STIM1: variants seen among roughly 807,000 people sequenced by gnomAD.
The protein encoded by STIM1 is stromal interaction molecule 1.
In STIM1, 25 loss-of-function variants were observed where a neutral mutation model predicts 74.7. That is an observed-to-expected ratio of 0.33 (90% CI 0.24 to 0.47). The LOEUF (loss-of-function observed/expected upper bound fraction) is 0.47. Ranked by LOEUF, STIM1 falls within the 20% of genes least tolerant of loss-of-function variation. STIM1 has a pLI of 1.00. For synonymous variants in STIM1, 328 were observed against 348.8 expected, an observed-to-expected ratio of 0.94 and a Z score of 0.66; for missense variants, 728 against 920.8, an observed-to-expected ratio of 0.79 and a Z score of 2.71.
At chr11:3,912,748 C>G (rs2092585549) in intron 1 of STIM1, among the ~76,000 whole-genome samples, 1 of 152,190 alleles carries the variant, frequency 6.6e-6, no homozygotes, top group Non-Finnish European at 1.5e-5. Flanking sequence ...CCAATGTGGG[C>G]TCTCTCATTC....
At chr11:4,067,746 T>C (rs558600573) in intron 5 of STIM1, among the ~76,000 whole-genome samples, 4 of 152,322 alleles carry the variant, frequency 2.6e-5, no homozygotes, top group East Asian at 1.9e-4. Context: ...ATGCCTGATA[T>C]GTTTTATATT....
At chr11:3,991,712 G>A (rs1017007416) in intron 2 of STIM1, among the ~76,000 whole-genome samples, 67 of 151,386 alleles carry the variant, frequency 4.4e-4, no homozygotes, top group Non-Finnish European at 6.3e-4. Context: ...ACTTTGGGAG[G>A]CTGAGGCGGG....
intron 2 of STIM1, among the ~76,000 whole-genome samples, chr11:3,993,271 T>G (rs2093632289): frequency 6.6e-6 from 1 of 152,226 alleles, no homozygotes; most frequent in Non-Finnish European, 1.5e-5. Context: ...CTCTTTTATA[T>G]TCCTGCTTTA....
At chr11:4,089,068 C>CA (rs1347149421) in intron 12 of STIM1, 1,991 of 250,430 alleles carry the variant, frequency 8.0e-3, no homozygotes, top group Middle Eastern at 0.017. Context: ...CCTGTCTCTA[C>CA]AAAAAAAAAA....
chr11:4,003,089 A>G (rs1321833176), intron 2 of STIM1, among the ~76,000 whole-genome samples: 54 of 148,010 alleles, frequency 3.6e-4, no homozygotes, highest in African/African-American at 1.3e-3. Flanking sequence ...AATTGTGGCA[A>G]TAATCAATAG....
At chr11:3,988,571 G>A (rs2093579314) in intron 2 of STIM1, among the ~76,000 whole-genome samples, 1 of 151,956 alleles carries the variant, frequency 6.6e-6, no homozygotes, top group South Asian at 2.1e-4. Flanking sequence ...TGTTACATAT[G>A]TCCCACCAAT....
chr11:4,091,685 G>A lies in STIM1; in HGVS notation c.2038G>A (p.Gly680Ser). The change falls in exon 13 of 13, where the codon GGC becomes AGC. Residue 680 changes from glycine to serine, a missense_variant. Gly to Ser is a moderately conservative substitution (Grantham distance 56). This residue lies in a region of STIM1 where 352 missense variants were observed against 370.1 expected (regional missense o/e 0.95). Coordinates refer to ENST00000526596, the MANE Select transcript of STIM1 (RefSeq NM_001382567.1). ...SRNTRIPHLA[G>S]KKAVAEEDNG... ...AAACACACGCATTCCCCACCTGGCT[G>A]GCAAGAAGGCTGTGGCTGAGGAGGA... The A allele has an allele frequency of 6.2e-7, 1 of 1,614,236 alleles. No individual in the cohort carries two copies.
At chr11:3,966,734 T>C (rs568014065) in intron 1 of STIM1, among the ~76,000 whole-genome samples, 1 of 152,218 alleles carries the variant, frequency 6.6e-6, no homozygotes, top group Non-Finnish European at 1.5e-5. Context: ...CTAGATCATA[T>C]GGTAGAGCTA....
At chr11:4,072,512 A>G (rs950095480) in intron 6 of STIM1, among the ~76,000 whole-genome samples, 2 of 152,216 alleles carry the variant, frequency 1.3e-5, no homozygotes, top group African/African-American at 4.8e-5. Flanking sequence ...ACTAATTGCA[A>G]TGCTAATTGT....
chr11:3,966,341 G>T (rs1396931033), intron 1 of STIM1, among the ~76,000 whole-genome samples: 1 of 152,170 alleles, frequency 6.6e-6, no homozygotes. Context: ...TTTTGAAAAG[G>T]ATTTGAATAA....
At position 3,956,823 on chromosome 11, in the gene STIM1, C is replaced by CAA. The variant is rs78285130; in HGVS notation, c.140-10702_140-10701dup. 2.8e-3 allele frequency among the ~76,000 whole-genome samples: 108 copies of CAA among 38,186 alleles called. 12 individuals are homozygous for CAA. Among genetic ancestry groups the CAA allele is most frequent in the Non-Finnish European group, 4.5e-3 (82 of 18,118 alleles). 25.1% of individuals were successfully genotyped at this position (38,186 alleles called of 152,430 possible). On this transcript the variant is annotated intron_variant, in intron 1 of 12. Coordinates refer to ENST00000526596, the MANE Select transcript of STIM1 (RefSeq NM_001382567.1). ...GGGTGACAGAGCAAGACCCTGTCTCCAAAAAAAAAAAAAAAAAAAAAAAAA... is the reference window on the plus strand; with the variant it reads ...GGGTGACAGAGCAAGACCCTGTCTCCAAAAAAAAAAAAAAAAAAAAAAAAAAA...
Position 4,083,310 on chromosome 11 carries a change from G to A in STIM1, c.1286G>A (p.Arg429His). The A allele has an allele frequency of 1.9e-6, 3 of 1,614,210 alleles. No homozygotes were observed. Among genetic ancestry groups the A allele is most frequent in the Non-Finnish European group, 2.5e-6 (3 of 1,180,042 alleles). ...GCAGCATTGCGGGAGCGCCTGCACC[G>A]CTGGCAACAGATCGAGATCCTCTGT... ...VTAALRERLH[R>H]WQQIEILCGF... is the part of the protein sequence containing the mutation. The change falls in exon 10 of 13, where the codon CGC becomes CAC. Residue 429 changes from arginine to histidine, a missense_variant. Arg to His is a conservative substitution (Grantham distance 29, BLOSUM62 0). Transcript: ENST00000526596.
At chr11:3,969,228 T>A (rs1377352065) in intron 2 of STIM1, among the ~76,000 whole-genome samples, 1 of 152,124 alleles carries the variant, frequency 6.6e-6, no homozygotes, top group African/African-American at 2.4e-5. Context: ...CTCATGCCTG[T>A]AATCCCAGCA....
chr11:3,882,711 T>G (rs1326578047), intron 1 of STIM1, among the ~76,000 whole-genome samples: 1 of 152,244 alleles, frequency 6.6e-6, no homozygotes, highest in Non-Finnish European at 1.5e-5. Context: ...TCTGTTTAGT[T>G]TTTGAGGAAC....
chr11:3,958,741 G>C (rs2093248995), intron 1 of STIM1, among the ~76,000 whole-genome samples: 1 of 151,932 alleles, frequency 6.6e-6, no homozygotes, highest in South Asian at 2.1e-4. Flanking sequence ...AGACTGAGGC[G>C]GGTGGATCAC....
At chr11:3,900,425 C>T (rs1298573128) in intron 1 of STIM1, among the ~76,000 whole-genome samples, 8 of 152,192 alleles carry the variant, frequency 5.3e-5, no homozygotes, top group African/African-American at 7.2e-5. Context: ...GGCTCGTGCA[C>T]GGTGCGCCGC....
intron 5 of STIM1, among the ~76,000 whole-genome samples, chr11:4,060,372 G>T (rs577439219): frequency 6.6e-6 from 1 of 152,224 alleles, no homozygotes; most frequent in Non-Finnish European, 1.5e-5. Flanking sequence ...CAGAGAAGCA[G>T]CTGGCAGGCA....
intron 1 of STIM1, among the ~76,000 whole-genome samples, chr11:3,870,935 C>T (rs796818772): frequency 1.2e-4 from 17 of 136,130 alleles, no homozygotes; most frequent in African/African-American, 4.6e-4. Flanking sequence ...TGCAGTGGTG[C>T]GATCTCGGCT....
chr11:3,914,215 A>G (rs1452729134), intron 1 of STIM1, among the ~76,000 whole-genome samples: 1 of 152,134 alleles, frequency 6.6e-6, no homozygotes, highest in Non-Finnish European at 1.5e-5. Context: ...AATTAAGTGG[A>G]ATCATATAAT....
Sources: gnomAD v4.1 joint callset for allele counts (sites outside exome capture counted in the v4.1 genomes callset) on GRCh38, gnomAD v4.1.1 for gene constraint, gnomAD v4.1.1 regional missense constraint, MANE v1.5 for transcripts, NCBI Gene and HGNC (gene_info 2026-07-23, HGNC 2026-07-21) for gene names.